The following SIMC1 variants were observed in gnomAD, a reference collection of about 807,000 sequenced individuals.
The protein encoded by SIMC1 is SUMO-interacting motif-containing protein 1.
Under a neutral mutation model 82.3 loss-of-function variants are expected in SIMC1, and 55 were observed. The ratio of observed to expected loss-of-function variants is 0.67; its 90% CI spans 0.54 to 0.84. SIMC1 has a LOEUF of 0.84. SIMC1 is among the 40% of genes least tolerant of loss of function. The pLI, the probability that SIMC1 is intolerant of heterozygous loss-of-function variation, is 0.00. For synonymous variants in SIMC1, 353 were observed against 426.3 expected (o/e 0.83, Z 2.12); for missense variants, 915 against 1,107.2 (o/e 0.83, Z 2.46).
Position 176,290,465 on chromosome 5 carries a change from A to T in SIMC1, c.941A>T (p.Asp314Val). ...CAAGACATGCCACGGTCACCAGGAG[A>T]TGTGCCACAGTCACCAAGTGATGTT... is the stretch of plus-strand genomic sequence containing the variant. ...YLQDMPRSPG[D>V]VPQSPSDVSP... Residue 314 changes from aspartate (D) to valine (V), a missense_variant, in exon 2 of 10, where the codon GAT becomes GTT. Asp to Val is a radical substitution (Grantham distance 152). This residue lies in a region of SIMC1 where 902 missense variants were observed against 1,040.3 expected (regional missense o/e 0.87). Transcript: ENST00000429602. The T allele has an allele frequency of 6.2e-7, 1 of 1,613,846 alleles. No homozygotes were observed. Among genetic ancestry groups the T allele is most frequent in the Middle Eastern group, 1.6e-4 (1 of 6,062 alleles).
At chr5:176,259,331 G>C (rs1395988722) in intron 1 of SIMC1, among the ~76,000 whole-genome samples, 1 of 151,984 alleles carries the variant, frequency 6.6e-6, no homozygotes, top group Non-Finnish European at 1.5e-5. Context: ...AGGCATGGTA[G>C]TCCAGCTACT....
chr5:176,297,063 G>A (rs1763844315), intron 4 of SIMC1, among the ~76,000 whole-genome samples: 1 of 152,206 alleles, frequency 6.6e-6, no homozygotes. Flanking sequence ...ATATCTAATA[G>A]AGGGCAGGAG....
chr5:176,279,992 G>A (rs1244653232), intron 1 of SIMC1, among the ~76,000 whole-genome samples: 8 of 151,954 alleles, frequency 5.3e-5, no homozygotes, highest in East Asian at 1.9e-4. Flanking sequence ...TATTAGGTCC[G>A]CTTGGTGCAG....
At chr5:176,330,361 A>C (rs1395339923) in intron 7 of SIMC1, among the ~76,000 whole-genome samples, 2 of 147,826 alleles carry the variant, frequency 1.4e-5, no homozygotes, top group East Asian at 2.0e-4. Context: ...AGATCGCACC[A>C]CTCCACTCCA....
At chr5:176,293,433 T>G (rs369419901) in intron 2 of SIMC1, among the ~76,000 whole-genome samples, 2 of 147,314 alleles carry the variant, frequency 1.4e-5, no homozygotes, top group South Asian at 2.2e-4. Flanking sequence ...AGACCCCATC[T>G]CAAAAAAAAA....
In SIMC1 at chr5:176,313,836, A is replaced by G; in HGVS notation, c.1880A>G (p.His627Arg). The part of the protein sequence containing the change: ...NMVLSCDKQP[H>R]NVRDVIKWLV... Reference sequence around the variant, plus strand: ...GTGCTTTCCTGTGACAAGCAGCCCCACAATGTCAGGTAAGCAGCCACCTGA... The same window carrying G: ...GTGCTTTCCTGTGACAAGCAGCCCCGCAATGTCAGGTAAGCAGCCACCTGA... Residue 627 changes from histidine to arginine, a missense_variant, in exon 5 of 10, where the codon CAC becomes CGC. Physicochemically the swap from His to Arg is conservative, Grantham distance 29. This residue lies in a region of SIMC1 where 902 missense variants were observed against 1,040.3 expected (regional missense o/e 0.87). Transcript: ENST00000429602. 1 of 1,613,490 alleles carries G rather than the reference A, an allele frequency of 6.2e-7. No individual in the cohort carries two copies. The highest frequency in any genetic ancestry group is 8.5e-7 in the Non-Finnish European group (1 of 1,179,864).
At chr5:176,240,771 G>A (rs1352088239) in intron 1 of SIMC1, among the ~76,000 whole-genome samples, 1 of 92,300 alleles carries the variant, frequency 1.1e-5, no homozygotes, top group Admixed American at 1.0e-4. Flanking sequence ...CTCCAGCATA[G>A]CAACTATTTG....
chr5:176,345,278 G>A lies in SIMC1; in HGVS notation c.2509G>A (p.Val837Ile), dbSNP rs536773678. Residue 837 changes from valine (V) to isoleucine (I), a missense_variant, in exon 10 of 10, where the codon GTA becomes ATA. By Grantham distance (29) the Val-to-Ile change is conservative. Around this residue, in one of 2 missense-constraint regions of SIMC1, gnomAD observed 902 missense variants for 1,040.3 expected, o/e 0.87. Coordinates refer to ENST00000429602, the MANE Select transcript of SIMC1 (RefSeq NM_001308195.2). ...QQGDDITVVD[V>I]EKQIEAFRSR... ...AGGAGATGACATCACAGTGGTAGAC[G>A]TAGAGAAGCAGATTGAGGCCTTCCG... 26 of 1,613,978 alleles carry A rather than the reference G, an allele frequency of 1.6e-5. No homozygotes were observed. Among genetic ancestry groups the A allele is most frequent in the African/African-American group, 4.0e-5 (3 of 75,024 alleles).
At chr5:176,340,199 G>A (rs4524528) in intron 9 of SIMC1, among the ~76,000 whole-genome samples, 9,184 of 152,242 alleles carry the variant, frequency 0.06, 372 homozygotes, top group African/African-American at 0.11. Context: ...GGAAAACAAA[G>A]GCTGAGAGAA....
chr5:176,302,260 G>T (rs903070750), intron 4 of SIMC1, among the ~76,000 whole-genome samples: 2 of 152,120 alleles, frequency 1.3e-5, no homozygotes, highest in Non-Finnish European at 2.9e-5. Context: ...TTCCTGGATG[G>T]TTTAACATAT....
At chr5:176,334,944 A>T (rs1765818709) in intron 7 of SIMC1, among the ~76,000 whole-genome samples, 1 of 151,824 alleles carries the variant, frequency 6.6e-6, no homozygotes, top group African/African-American at 2.4e-5. Flanking sequence ...TACAAAAATT[A>T]GCTGGGCATG....
chr5:176,343,543 T>A (rs1482583283), intron 9 of SIMC1, among the ~76,000 whole-genome samples: 1 of 152,234 alleles, frequency 6.6e-6, no homozygotes, highest in Non-Finnish European at 1.5e-5. Context: ...AAGAATAGTA[T>A]AACGAATGCC....
At chr5:176,329,315 C>A (rs1430265191) in intron 7 of SIMC1, among the ~76,000 whole-genome samples, 1 of 151,932 alleles carries the variant, frequency 6.6e-6, no homozygotes, top group Non-Finnish European at 1.5e-5. Context: ...TCTAAAAATA[C>A]AAAAAATTAG....
At chr5:176,329,340 G>A (rs541779079) in intron 7 of SIMC1, among the ~76,000 whole-genome samples, 25 of 151,974 alleles carry the variant, frequency 1.6e-4, no homozygotes, top group African/African-American at 5.1e-4. Flanking sequence ...GTGCGGTGGC[G>A]GGCGCCTGTA....
chr5:176,256,549 T>C (rs2560141), intron 1 of SIMC1, among the ~76,000 whole-genome samples: 2 of 152,222 alleles, frequency 1.3e-5, no homozygotes, highest in South Asian at 4.1e-4. Context: ...ATTTCTAAGA[T>C]AACAACAAAT....
rs561408220 is a variant in SIMC1, at chr5:176,297,351, AT to A, written c.1734+1034del. ...CCCTGTCTCTACTAAAAAATAGAAA[AT>A]TTAGCTGGGTGTGGTGGCACATGCC... On this transcript the variant is annotated intron_variant, in intron 4 of 9. Transcript: ENST00000429602. Among the ~76,000 whole-genome samples the A allele has an allele frequency of 3.7e-3, 561 of 152,108 alleles. 3 individuals are homozygous for A. Among genetic ancestry groups the A allele is most frequent in the African/African-American group, 0.013 (533 of 41,482 alleles).
Position 176,246,407 on chromosome 5 carries a change from G to GGTGTGTGT in SIMC1, c.129+7805_129+7812dup, listed in dbSNP as rs57262987. Among the ~76,000 whole-genome samples, 456 of 137,044 alleles carry GGTGTGTGT rather than the reference G, an allele frequency of 3.3e-3. 1 individual carries two copies. The highest frequency in any genetic ancestry group is 8.7e-3 in the African/African-American group (321 of 36,742). The allele number at this position is 137,044 out of a possible 152,430, so 89.9% of individuals were successfully genotyped here. On this transcript the variant is annotated intron_variant, in intron 1 of 9. Transcript: ENST00000429602. ...CAATCAGCTTGTATAATAGTTCAGG[G>GGTGTGTGT]GTGTGTGTGTGTGTGTGTGTGTGTG...
intron 2 of SIMC1, among the ~76,000 whole-genome samples, chr5:176,293,984 A>T (rs1297724942): frequency 6.6e-6 from 1 of 152,086 alleles, no homozygotes; most frequent in Non-Finnish European, 1.5e-5. Context: ...GGAAGAAGCA[A>T]CTTAATATTT....
intron 4 of SIMC1, among the ~76,000 whole-genome samples, chr5:176,304,919 C>T (rs1454735868): frequency 2.1e-4 from 29 of 137,556 alleles, no homozygotes; most frequent in African/African-American, 3.2e-4. Context: ...CCGGCCGCCC[C>T]GTCTGAGAAG....
Sources: allele counts gnomAD v4.1 joint callset (sites outside exome capture counted in the v4.1 genomes callset), GRCh38; gene constraint gnomAD v4.1.1; regional missense constraint gnomAD v4.1.1; transcripts MANE v1.5; gene names NCBI Gene and HGNC (gene_info 2026-07-23, HGNC 2026-07-21).